The following GRIN2A variants were observed in gnomAD, a reference collection of about 807,000 sequenced individuals.
The protein encoded by GRIN2A is glutamate receptor ionotropic, NMDA 2A.
GRIN2A carries 22 observed loss-of-function variants against 113.4 expected under a neutral mutation model. That is an observed-to-expected ratio of 0.19 (90% CI 0.14 to 0.28). The LOEUF is 0.28. Among genes scored for constraint, GRIN2A ranks in the 10% least tolerant of loss-of-function variants. The probability of loss-of-function intolerance (pLI) is 1.00; values close to 1 mark genes in which losing one functional copy is unlikely to be tolerated. For missense variants in GRIN2A, 1,502 were observed against 1,887.0 expected, an observed-to-expected ratio of 0.80 and a Z score of 3.78; for synonymous variants, 827 against 738.4, an observed-to-expected ratio of 1.12 and a Z score of -1.94.
At chr16:9,916,182 G>C (rs1344412794) in intron 3 of GRIN2A, among the ~76,000 whole-genome samples, 2 of 152,146 alleles carry the variant, frequency 1.3e-5, no homozygotes, top group Non-Finnish European at 2.9e-5. Flanking sequence ...GAGGATTCAA[G>C]ATTTTGTATA....
intron 2 of GRIN2A, among the ~76,000 whole-genome samples, chr16:10,050,280 A>C (rs1312920329): frequency 2.0e-5 from 3 of 152,136 alleles, no homozygotes. Flanking sequence ...TGGAGTAGGG[A>C]TCCCCAAACC....
intron 2 of GRIN2A, among the ~76,000 whole-genome samples, chr16:10,107,734 A>G (rs1567304065): frequency 6.6e-6 from 1 of 152,240 alleles, no homozygotes; most frequent in Non-Finnish European, 1.5e-5. Context: ...CAAGGGCCAG[A>G]TTGTTGAAGC....
chr16:10,168,842 G>A (rs2049977931), intron 2 of GRIN2A, among the ~76,000 whole-genome samples: 1 of 152,026 alleles, frequency 6.6e-6, no homozygotes. Flanking sequence ...GCAGGTGCCT[G>A]TAATCCCAGC....
intron 2 of GRIN2A, among the ~76,000 whole-genome samples, chr16:10,107,012 T>A (rs2048513059): frequency 6.6e-6 from 1 of 152,164 alleles, no homozygotes; most frequent in Non-Finnish European, 1.5e-5. Context: ...ATGTGGAGAT[T>A]TGAACCCAGC....
chr16:10,015,949 C>T (rs11859438), intron 2 of GRIN2A, among the ~76,000 whole-genome samples: 28 of 152,098 alleles, frequency 1.8e-4, no homozygotes, highest in Admixed American at 9.2e-4. Flanking sequence ...AACCCCGTCT[C>T]TACTAAAAAT....
intron 4 of GRIN2A, among the ~76,000 whole-genome samples, chr16:9,863,393 T>TA (rs55745627): frequency 0.31 from 47,039 of 151,768 alleles, 7,441 homozygotes; most frequent in African/African-American, 0.35. Flanking sequence ...GAGGTGGTCT[T>TA]ACAGTGTGCT....
chr16:10,115,264 T>A (rs1405539866), intron 2 of GRIN2A, among the ~76,000 whole-genome samples: 2 of 152,192 alleles, frequency 1.3e-5, no homozygotes, highest in South Asian at 4.1e-4. Flanking sequence ...AATTTCCTTA[T>A]GGTTTCAAAA....
chr16:10,162,977 T>C (rs1331304600), intron 2 of GRIN2A, among the ~76,000 whole-genome samples: 1 of 152,218 alleles, frequency 6.6e-6, no homozygotes, highest in Non-Finnish European at 1.5e-5. Context: ...AGGCTCTCTT[T>C]TGAAAGTTGA....
In GRIN2A at chr16:10,051,128, G is replaced by A. The variant is rs547418892; in HGVS notation, c.415-112577C>T. On this transcript the variant is annotated intron_variant, in intron 2 of 12. Transcript: ENST00000330684. Reference sequence around the variant, plus strand: ...CTCTTCCTCTTGTCCTCTGTACAAAGTCAAGGGAGTTGATCAAACAATAAG... The same window carrying A: ...CTCTTCCTCTTGTCCTCTGTACAAAATCAAGGGAGTTGATCAAACAATAAG... Among the ~76,000 whole-genome samples, 768 of 152,314 alleles carry A rather than the reference G, an allele frequency of 5.0e-3. 11 individuals are homozygous for A. The highest frequency in any genetic ancestry group is 0.018 in the African/African-American group (736 of 41,560).
At chr16:10,075,443 G>A (rs111926688) in intron 2 of GRIN2A, among the ~76,000 whole-genome samples, 286 of 152,168 alleles carry the variant, frequency 1.9e-3, no homozygotes, top group African/African-American at 6.3e-3. Context: ...ACCAAGCAGC[G>A]GGGCGGAATG....
chr16:9,840,578 T>C, intron 7 of GRIN2A, 69 bp downstream of exon 7: 1 of 1,418,394 alleles, frequency 7.1e-7, no homozygotes, highest in East Asian at 2.3e-5. Flanking sequence ...TCTGGTCCCA[T>C]CCTCTGAGCA....
chr16:9,812,682 T>C (rs992102175), intron 10 of GRIN2A, among the ~76,000 whole-genome samples: 2 of 151,808 alleles, frequency 1.3e-5, no homozygotes, highest in South Asian at 4.2e-4. Flanking sequence ...AACAATAAAA[T>C]AAATAAAAAC....
chr16:9,972,341 T>A (rs1422536400), intron 2 of GRIN2A, among the ~76,000 whole-genome samples: 3 of 152,128 alleles, frequency 2.0e-5, no homozygotes, highest in Admixed American at 2.0e-4. Context: ...TCAAAATTAC[T>A]TTACATATAA....
At chr16:9,856,685 A>G (rs1440420639) in intron 4 of GRIN2A, among the ~76,000 whole-genome samples, 1 of 151,962 alleles carries the variant, frequency 6.6e-6, no homozygotes, top group African/African-American at 2.4e-5. Flanking sequence ...CGTTTCTACT[A>G]TTCCGAAAGC....
chr16:9,842,972 GAAGAAAGAAAGA>G (rs753343405), intron 5 of GRIN2A, among the ~76,000 whole-genome samples: 2 of 91,766 alleles, frequency 2.2e-5, no homozygotes, highest in Non-Finnish European at 4.5e-5. Flanking sequence ...AGAGAGAGAG[GAAGAAAGAAAGA>G]AAGAAAGAAA....
intron 4 of GRIN2A, among the ~76,000 whole-genome samples, chr16:9,852,378 A>C (rs191954486): frequency 6.6e-6 from 1 of 152,222 alleles, no homozygotes; most frequent in Non-Finnish European, 1.5e-5. Context: ...TAAGGCAAAG[A>C]CTAGCAGAAT....
chr16:9,766,991 G>A (rs559865289), intron 12 of GRIN2A, among the ~76,000 whole-genome samples: 1 of 152,334 alleles, frequency 6.6e-6, no homozygotes, highest in Admixed American at 6.5e-5. Flanking sequence ...GTTTTAGATA[G>A]ATAGAGGAAA....
At chr16:10,042,415 G>A (rs2047181374) in intron 2 of GRIN2A, among the ~76,000 whole-genome samples, 1 of 152,018 alleles carries the variant, frequency 6.6e-6, no homozygotes, top group African/African-American at 2.4e-5. Context: ...CAATAAATGA[G>A]GCCCCCTGCC....
chr16:9,828,429 C>T (rs976900781), intron 9 of GRIN2A, among the ~76,000 whole-genome samples: 6 of 152,218 alleles, frequency 3.9e-5, no homozygotes, highest in Non-Finnish European at 1.5e-5. Flanking sequence ...AAAAGCTTTC[C>T]ATGGATTGAT....
Sources: allele counts gnomAD v4.1 joint callset (sites outside exome capture counted in the v4.1 genomes callset), GRCh38; gene constraint gnomAD v4.1.1; transcripts MANE v1.5; gene names NCBI Gene and HGNC (gene_info 2026-07-23, HGNC 2026-07-21).